The following C8orf34 variants were observed in gnomAD, a reference collection of about 807,000 sequenced individuals.
C8orf34 encodes the protein chromosome 8 open reading frame 34.
A neutral mutation model predicts 68.3 loss-of-function variants in C8orf34; 65 were observed. The ratio of observed to expected loss-of-function variants is 0.95; its 90% confidence interval spans 0.78 to 1.17. The LOEUF (loss-of-function observed/expected upper bound fraction) is 1.17, where lower values mean the gene tolerates loss of function less well. C8orf34 is among the 50% of genes most tolerant of loss of function. The probability of loss-of-function intolerance (pLI) is 0.00; values close to 1 mark genes in which losing one functional copy is unlikely to be tolerated. For missense variants in C8orf34, 664 were observed against 655.4 expected (o/e 1.01, Z -0.14); for synonymous variants, 244 against 241.2 (o/e 1.01, Z -0.11).
At chr8:68,514,172 C>G (rs1426360771) in intron 5 of C8orf34, among the ~76,000 whole-genome samples, 1 of 152,118 alleles carries the variant, frequency 6.6e-6, no homozygotes, top group Admixed American at 6.5e-5. Flanking sequence ...CAGGGACTCT[C>G]GCTAGGCCAG....
chr8:68,399,938 A>T (rs1363437447), intron 1 of C8orf34, among the ~76,000 whole-genome samples: 1 of 152,054 alleles, frequency 6.6e-6, no homozygotes, highest in Non-Finnish European at 1.5e-5. Context: ...TCATATGCTT[A>T]TTGGCCACTT....
At chr8:68,680,392 C>T (rs566110538) in intron 8 of C8orf34, among the ~76,000 whole-genome samples, 9 of 152,082 alleles carry the variant, frequency 5.9e-5, no homozygotes, top group Non-Finnish European at 1.3e-4. Flanking sequence ...TAAGTGTCAG[C>T]CAGCTGAGAA....
At chr8:68,704,608 G>A (rs1821112127) in intron 8 of C8orf34, among the ~76,000 whole-genome samples, 1 of 152,066 alleles carries the variant, frequency 6.6e-6, no homozygotes, top group African/African-American at 2.4e-5. Context: ...ATTTTGAGAA[G>A]CTGGCTAAAA....
chr8:68,603,242 G>A (rs1474747501), intron 7 of C8orf34, among the ~76,000 whole-genome samples: 1 of 152,016 alleles, frequency 6.6e-6, no homozygotes, highest in African/African-American at 2.4e-5. Context: ...GTGTACAAGG[G>A]TGCAACCACT....
chr8:68,645,324 T>A (rs1235314633), intron 8 of C8orf34, among the ~76,000 whole-genome samples: 2 of 152,308 alleles, frequency 1.3e-5, no homozygotes, highest in East Asian at 3.9e-4. Context: ...CATGCTGGAA[T>A]AATTACTGTG....
intron 5 of C8orf34, among the ~76,000 whole-genome samples, chr8:68,518,940 A>T (rs1387504548): frequency 6.6e-6 from 1 of 151,586 alleles, no homozygotes; most frequent in African/African-American, 2.4e-5. Flanking sequence ...ATACAGGGGA[A>T]TATGTTACAT....
Position 68,403,888 on chromosome 8 carries a change from G to C in C8orf34, c.328-35611G>C, listed in dbSNP as rs866975520. On this transcript the variant is annotated intron_variant, in intron 1 of 13. Transcript: ENST00000518698. ...TGGCAGAATGATTTATAACCCTTTG[G>C]GTATATACCCAGTAATGGGATTACT... 9.9e-5 allele frequency among the ~76,000 whole-genome samples: 15 copies of C among 152,116 alleles called. No homozygotes were observed. In the Middle Eastern group the frequency reaches 0.017, roughly 174 times the overall value.
At chr8:68,471,143 T>C (rs920027005) in intron 4 of C8orf34, among the ~76,000 whole-genome samples, 2 of 152,124 alleles carry the variant, frequency 1.3e-5, no homozygotes, top group African/African-American at 2.4e-5. Context: ...CATAGTCAAC[T>C]CCTATAGATA....
chr8:68,535,232 T>C (rs1301679475), intron 7 of C8orf34: 1 of 978,838 alleles, frequency 1.0e-6, no homozygotes. Context: ...TCTAATTTTA[T>C]AGAGTTTATA....
At chr8:68,431,290 T>G (rs1810441574) in intron 1 of C8orf34, among the ~76,000 whole-genome samples, 1 of 152,218 alleles carries the variant, frequency 6.6e-6, no homozygotes, top group African/African-American at 2.4e-5. Flanking sequence ...ACATTTTTTA[T>G]AAATGATAAA....
intron 1 of C8orf34, among the ~76,000 whole-genome samples, chr8:68,354,711 A>C (rs143151136): frequency 8.5e-5 from 13 of 152,218 alleles, no homozygotes; most frequent in Admixed American, 5.9e-4. Flanking sequence ...CCTACCATCA[A>C]GGGTGTGTGA....
Position 68,360,757 on chromosome 8 carries a change from T to A in C8orf34, c.327+29418T>A, listed in dbSNP as rs1449085367. Among the ~76,000 whole-genome samples, 8 of 99,348 alleles carry A rather than the reference T, an allele frequency of 8.1e-5. No individual in the cohort carries two copies. In the South Asian group the frequency reaches 1.6e-3, roughly 20 times the overall value. The allele number at this position is 99,348 out of a possible 152,430, so 65.2% of individuals were successfully genotyped here. Reference sequence around the variant, plus strand: ...TTTCCCTTTTCCTTTTCTTCCTTTCTTTTTTTTTTTTTTTTTCTTGAGCCT... The same window carrying A: ...TTTCCCTTTTCCTTTTCTTCCTTTCATTTTTTTTTTTTTTTTCTTGAGCCT... On this transcript the variant is annotated intron_variant, in intron 1 of 13. Transcript: ENST00000518698.
At chr8:68,804,639 G>A (rs532099357) in intron 12 of C8orf34, among the ~76,000 whole-genome samples, 2 of 151,946 alleles carry the variant, frequency 1.3e-5, no homozygotes, top group Non-Finnish European at 1.5e-5. Flanking sequence ...TTAAAATTAG[G>A]TGCATATCTG....
chr8:68,755,624 C>T (rs1321246660), intron 10 of C8orf34, among the ~76,000 whole-genome samples: 3 of 152,276 alleles, frequency 2.0e-5, no homozygotes, highest in African/African-American at 7.2e-5. Flanking sequence ...CTACAACCTC[C>T]ACTCTTAATT....
rs1294904644 is a variant in C8orf34 at position 68,636,036 on chromosome 8, T to A, written c.1106-4340T>A. ...GGCATGCGGGGGGAGTAGGAAAACT[T>A]TATAATAATAATTTTTAAAGGGAAG... On this transcript the variant is annotated intron_variant, in intron 7 of 13. Transcript: ENST00000518698. 5.3e-5 allele frequency among the ~76,000 whole-genome samples: 8 copies of A among 152,134 alleles called. No homozygotes were observed. In the East Asian group the frequency reaches 1.5e-3, roughly 29 times the overall value.
intron 5 of C8orf34, among the ~76,000 whole-genome samples, chr8:68,505,609 T>C (rs1477120020): frequency 7.5e-6 from 1 of 132,890 alleles, no homozygotes; most frequent in African/African-American, 3.7e-5. Context: ...CGGGCGCCTG[T>C]AGTCCCAGCT....
At chr8:68,713,969 A>T (rs576285498) in intron 9 of C8orf34, among the ~76,000 whole-genome samples, 134 of 152,186 alleles carry the variant, frequency 8.8e-4, no homozygotes, top group Non-Finnish European at 1.5e-3. Context: ...CATATCAGGG[A>T]TGCAGGGATG....
At chr8:68,440,612 T>C (rs550472948) in intron 2 of C8orf34, among the ~76,000 whole-genome samples, 11 of 152,244 alleles carry the variant, frequency 7.2e-5, no homozygotes, top group African/African-American at 2.4e-4. Flanking sequence ...TGTCTTACTT[T>C]TTCTTGGCCT....
At chr8:68,541,681 C>A (rs906198693) in intron 7 of C8orf34, among the ~76,000 whole-genome samples, 1 of 152,126 alleles carries the variant, frequency 6.6e-6, no homozygotes, top group Non-Finnish European at 1.5e-5. Flanking sequence ...ATTATTTCAA[C>A]AAGTACCATC....
Sources: allele counts gnomAD v4.1 joint callset (sites outside exome capture counted in the v4.1 genomes callset), GRCh38; gene constraint gnomAD v4.1.1; transcripts MANE v1.5; gene names NCBI Gene and HGNC (gene_info 2026-07-23, HGNC 2026-07-21).